Variants in HAUS4 observed in about 807,000 individuals in gnomAD.
HAUS4 encodes HAUS augmin like complex subunit 4, also known as HAUS augmin-like complex subunit 4.
Under a neutral mutation model 50.6 loss-of-function variants are expected in HAUS4, and 34 were observed. The observed-to-expected ratio is 0.67, with a 90% CI of 0.51 to 0.90. The LOEUF is 0.90. Ranked by LOEUF, HAUS4 falls within the 40% of genes least tolerant of loss-of-function variation. HAUS4 has a pLI of 0.00. For missense variants in HAUS4, 370 were observed against 428.7 expected (o/e 0.86, Z 1.21); for synonymous variants, 149 against 161.4 (o/e 0.92, Z 0.58).
chr14:22,947,228 A>G lies in HAUS4; in HGVS notation c.851T>C (p.Leu284Pro). The part of the protein sequence containing the change: ...AMILKLRMEE[L>P]KILSDTYTVE... ...AGTGTAAGTGTCGGACAAAATCTTTAGCTCCTCCATCCTGACAGAGGGAAG... is the reference window on the plus strand; with the variant it reads ...AGTGTAAGTGTCGGACAAAATCTTTGGCTCCTCCATCCTGACAGAGGGAAG... The change falls in exon 9 of 10, where the codon CTA (leucine) becomes CCA (proline). Residue 284 changes from leucine (L) to proline (P), a missense_variant. Coordinates refer to ENST00000541587, the MANE Select transcript of HAUS4 (RefSeq NM_001166269.2). 1 of 1,606,540 alleles carries G rather than the reference A, an allele frequency of 6.2e-7. No individual in the cohort carries two copies. Among genetic ancestry groups the G allele is most frequent in the South Asian group, 1.1e-5 (1 of 90,918 alleles).
chr14:22,947,175 T>C lies in HAUS4; in HGVS notation c.904A>G (p.Ile302Val). Residue 302 changes from isoleucine (I) to valine (V), a missense_variant, in exon 9 of 10, where the codon ATT becomes GTT. Transcript: ENST00000541587. ...TVEKVEVHRL[I>V]RDRLEGAIHL... Reference sequence around the variant, plus strand: ...CAGACTCTTAGGAGTTCTCACCTAATCAGACGATGAACTTCCACTTTCTCA... The same window carrying C: ...CAGACTCTTAGGAGTTCTCACCTAACCAGACGATGAACTTCCACTTTCTCA... 1 of 1,584,012 alleles carries C rather than the reference T, an allele frequency of 6.3e-7. No individual in the cohort carries two copies. Among genetic ancestry groups the C allele is most frequent in the Non-Finnish European group, 8.7e-7 (1 of 1,152,902 alleles).
At chr14:22,947,366 C>G in intron 8 of HAUS4, 127 bp from the exon 9 acceptor site, 1 of 763,640 alleles carries the variant, frequency 1.3e-6, no homozygotes, top group Non-Finnish European at 2.3e-6. Context: ...CAAGGTCACT[C>G]TGAATTCCCG....
rs1273192518 is a variant in HAUS4, at chr14:22,951,668, G to T, written c.352C>A (p.Arg118=). The T allele has an allele frequency of 6.2e-7, 1 of 1,612,902 alleles. No individual in the cohort carries two copies. The highest frequency in any genetic ancestry group is 1.1e-5 in the South Asian group (1 of 90,746). The change falls in exon 5 of 10, where the codon CGG becomes AGG. Residue 118 remains arginine, a synonymous_variant. Transcript: ENST00000541587. The stretch of plus-strand genomic sequence containing the variant: ...CGCATCAGTTCAGTTACAAGCAGCC[G>T]CTGTTCAAGGGTCTCATGAAACTGA... ...DKKFHETLEQ[R]LLVTELMRLL...
chr14:22,951,628 C>G lies in HAUS4; in HGVS notation c.392G>C (p.Ser131Thr), dbSNP rs771259840. ...VTELMRLLGP[S>T]QEREIPPLLG... ...CAGTGGAGGTATCTCCCTCTCCTGG[C>G]TAGGACCTAAGAGCCGCATCAGTTC... The change falls in exon 5 of 10, where the codon AGC (serine) becomes ACC (threonine). Residue 131 changes from serine (S) to threonine (T), a missense_variant. Coordinates refer to ENST00000541587, the MANE Select transcript of HAUS4 (RefSeq NM_001166269.2). 1.2e-6 allele frequency: 2 copies of G among 1,613,966 alleles called. No individual in the cohort carries two copies. Among genetic ancestry groups the G allele is most frequent in the East Asian group, 4.5e-5 (2 of 44,880 alleles).
chr14:22,950,940 A>G (rs963947264), intron 5 of HAUS4, among the ~76,000 whole-genome samples: 12 of 152,224 alleles, frequency 7.9e-5, no homozygotes, highest in Non-Finnish European at 1.3e-4. Flanking sequence ...AGAAGCTATC[A>G]TCTTATTTAC....
chr14:22,952,479 C>G lies in HAUS4; in HGVS notation c.199-20G>C. On this transcript the variant is annotated intron_variant, in intron 3 of 9. Transcript: ENST00000541587. Reference sequence around the variant, plus strand: ...CCATGCCTAGAAATCCAAAAAATCTCAGGTAGGAACCTCTCTCTCAGGATT... The same window carrying G: ...CCATGCCTAGAAATCCAAAAAATCTGAGGTAGGAACCTCTCTCTCAGGATT... 2.5e-6 allele frequency: 4 copies of G among 1,613,926 alleles called. No homozygotes were observed. Among genetic ancestry groups the G allele is most frequent in the Non-Finnish European group, 3.4e-6 (4 of 1,179,858 alleles).
At position 22,947,606 on chromosome 14, in the gene HAUS4, C is replaced by T. The variant is rs1408719908; in HGVS notation, c.834G>A (p.Lys278=). The T allele has an allele frequency of 6.2e-7, 1 of 1,614,126 alleles. No homozygotes were observed. Among genetic ancestry groups the T allele is most frequent in the African/African-American group, 1.3e-5 (1 of 75,054 alleles). The change falls in exon 8 of 10, where the codon AAG becomes AAA. Residue 278 remains lysine (K), a synonymous_variant. Coordinates refer to ENST00000541587, the MANE Select transcript of HAUS4 (RefSeq NM_001166269.2). ...LEVKCGAMIL[K]LRMEELKILS... is the part of the protein sequence containing the mutation. ...CCACAGGGGTCACAGCTCACCTCAGCTTAAGGATCATAGCACCGCACTTGA... is the reference window on the plus strand; with the variant it reads ...CCACAGGGGTCACAGCTCACCTCAGTTTAAGGATCATAGCACCGCACTTGA...
chr14:22,947,869 T>C lies in HAUS4; in HGVS notation c.707A>G (p.Gln236Arg). Residue 236 changes from glutamine to arginine, a missense_variant and splice_region_variant, in exon 7 of 10, where the codon CAG (glutamine) becomes CGG (arginine). Gln to Arg is a conservative substitution (Grantham distance 43). Transcript: ENST00000541587. ...GGGCTGTCCCATGCCCTGATAAACC[T>C]GGGAGTAAGCAGCACTCTTCTTCTC... Reference protein sequence around the residue: ...LLEKKSAAYSQVLLRCLTLLQ... With the variant: ...LLEKKSAAYSRVLLRCLTLLQ... The C allele has an allele frequency of 6.2e-7, 1 of 1,613,170 alleles. No individual in the cohort carries two copies. Among genetic ancestry groups the C allele is most frequent in the Non-Finnish European group, 8.5e-7 (1 of 1,179,566 alleles).
chr14:22,952,598 G>A lies in HAUS4; in HGVS notation c.141C>T (p.Leu47=). 3 of 1,614,020 alleles carry A rather than the reference G, an allele frequency of 1.9e-6. No homozygotes were observed. Among genetic ancestry groups the A allele is most frequent in the East Asian group, 2.2e-5 (1 of 44,878 alleles). Residue 47 remains leucine (L), a synonymous_variant, in exon 3 of 10, where the codon CTC becomes CTT. Coordinates refer to ENST00000541587, the MANE Select transcript of HAUS4 (RefSeq NM_001166269.2). ...AGCCACTCTCATCCACATGCTGTGA[G>A]AGATTCAGGAGAAGCTTGCTGAAGT... ...NPYFSKLLLN[L]SQHVDESGLS...
In HAUS4 at chr14:22,951,612, T is replaced by C. The variant is rs772837813; in HGVS notation, c.408A>G (p.Ile136Met). The change falls in exon 5 of 10, where the codon ATA becomes ATG. Residue 136 changes from isoleucine (I) to methionine (M), a missense_variant. Coordinates refer to ENST00000541587, the MANE Select transcript of HAUS4 (RefSeq NM_001166269.2). ...RLLGPSQERE[I>M]PPLLGLEKAD... ...CTTTCTCCAGCCCCAGCAGTGGAGGTATCTCCCTCTCCTGGCTAGGACCTA... is the reference window on the plus strand; with the variant it reads ...CTTTCTCCAGCCCCAGCAGTGGAGGCATCTCCCTCTCCTGGCTAGGACCTA... 3 of 1,613,692 alleles carry C rather than the reference T, an allele frequency of 1.9e-6. No individual in the cohort carries two copies. The highest frequency in any genetic ancestry group is 2.7e-5 in the African/African-American group (2 of 74,844).
chr14:22,948,322 C>T (rs1053861768), intron 6 of HAUS4: 5 of 237,584 alleles, frequency 2.1e-5, no homozygotes, highest in South Asian at 1.5e-4. Context: ...GCATACTATG[C>T]GCCTGTAGTG....
chr14:22,954,190 A>G (rs1235266089), intron 2 of HAUS4: 1 of 152,218 alleles, frequency 6.6e-6, no homozygotes, highest in Non-Finnish European at 1.5e-5. Flanking sequence ...ATGCTCAAGG[A>G]GCTTTCTTTC....
intron 5 of HAUS4, among the ~76,000 whole-genome samples, chr14:22,951,146 G>A (rs1206207290): frequency 6.6e-6 from 1 of 151,558 alleles, no homozygotes; most frequent in African/African-American, 2.4e-5. Context: ...GACTACAGGT[G>A]TGCACCACCA....
Position 22,947,892 on chromosome 14 carries a change from C to T in HAUS4, c.684G>A (p.Glu228=), listed in dbSNP as rs751185686. Residue 228 remains glutamate (E), a synonymous_variant, in exon 7 of 10, where the codon GAG becomes GAA. Coordinates refer to ENST00000541587, the MANE Select transcript of HAUS4 (RefSeq NM_001166269.2). ...SQQKEQMLLL[E]KKSAAYSQVL... is the part of the protein sequence containing the mutation. ...CCTGGGAGTAAGCAGCACTCTTCTT[C>T]TCCAGCAGCAACATCTGCTCCTTCT... 1.9e-6 allele frequency: 3 copies of T among 1,613,968 alleles called. No homozygotes were observed. Among genetic ancestry groups the T allele is most frequent in the Non-Finnish European group, 2.5e-6 (3 of 1,179,910 alleles).
chr14:22,956,498 A>G (rs920618551), intron 1 of HAUS4, among the ~76,000 whole-genome samples: 1 of 145,766 alleles, frequency 6.9e-6, no homozygotes, highest in African/African-American at 2.8e-5. Context: ...GTCCCCCCCT[A>G]GGGTAAGTGT....
chr14:22,950,540 A>G (rs559064252), intron 5 of HAUS4, 130 bp from the exon 6 acceptor site: 1 of 587,656 alleles, frequency 1.7e-6, no homozygotes, highest in Non-Finnish European at 3.1e-6. Context: ...AGAGAGACTC[A>G]TTTTTCACCT....
intron 4 of HAUS4, among the ~76,000 whole-genome samples, 198 bp downstream of exon 4, chr14:22,952,130 G>C (rs2044765352): frequency 6.6e-6 from 1 of 152,166 alleles, no homozygotes; most frequent in African/African-American, 2.4e-5. Flanking sequence ...CGATTCTGCT[G>C]CCTCAGCCTC....
rs1426738341 is a variant in HAUS4, at chr14:22,946,352, C to T, written c.*173G>A. The T allele has an allele frequency of 8.8e-6, 4 of 454,596 alleles. No individual in the cohort carries two copies. Among genetic ancestry groups the T allele is most frequent in the Non-Finnish European group, 1.5e-5 (4 of 259,644 alleles). The allele number at this position is 454,596 out of a possible 1,614,324, so 28.2% of individuals were successfully genotyped here. A position where few individuals can be genotyped will look rare whatever the true frequency, so the allele number is the denominator to read the frequency against. ...CTAGATTTTCCAGAAGAGGCCCAGTCATAAAAAATAAAGAGAAACCAGGAG... is the reference window on the plus strand; with the variant it reads ...CTAGATTTTCCAGAAGAGGCCCAGTTATAAAAAATAAAGAGAAACCAGGAG... On this transcript the variant is annotated 3_prime_UTR_variant, in exon 10 of 10. Coordinates refer to ENST00000541587, the MANE Select transcript of HAUS4 (RefSeq NM_001166269.2).
At chr14:22,947,541 G>A (rs979457383) in intron 8 of HAUS4, 60 bp downstream of exon 8, 2 of 1,580,744 alleles carry the variant, frequency 1.3e-6, no homozygotes, top group Admixed American at 3.4e-5. Context: ...TTAGGGTAAG[G>A]GATAGAGGGC....
Sources: allele counts gnomAD v4.1 joint callset (sites outside exome capture counted in the v4.1 genomes callset), GRCh38; gene constraint gnomAD v4.1.1; transcripts MANE v1.5; gene names NCBI Gene and HGNC (gene_info 2026-07-23, HGNC 2026-07-21).